TCERG1L: variants seen among roughly 807,000 people sequenced by gnomAD.
TCERG1L encodes the protein transcription elongation regulator 1-like protein.
TCERG1L carries 37 observed loss-of-function variants against 56.3 expected under a neutral mutation model. The ratio of observed to expected loss-of-function variants is 0.66; its 90% CI spans 0.51 to 0.87. The LOEUF (loss-of-function observed/expected upper bound fraction) is 0.87. Ranked by LOEUF, TCERG1L falls within the 40% of genes least tolerant of loss-of-function variation. The pLI is 0.00. For missense variants in TCERG1L, 799 were observed against 774.2 expected (o/e 1.03, Z -0.38); for synonymous variants, 324 against 326.3 (o/e 0.99, Z 0.08).
chr10:131,133,733 T>C (rs1277223035), intron 8 of TCERG1L, among the ~76,000 whole-genome samples: 1 of 152,098 alleles, frequency 6.6e-6, no homozygotes, highest in Non-Finnish European at 1.5e-5. Context: ...CAGGAGGGGT[T>C]AAAGGGCAGG....
At chr10:131,308,118 A>T in intron 3 of TCERG1L, 93 bp downstream of exon 3, 1 of 1,229,526 alleles carries the variant, frequency 8.1e-7, no homozygotes, top group Non-Finnish European at 1.1e-6. Context: ...TAATTGTTTC[A>T]TTAAAATGAT....
chr10:131,248,444 ATCTC>A (rs147556986), intron 4 of TCERG1L, among the ~76,000 whole-genome samples: 2 of 150,386 alleles, frequency 1.3e-5, no homozygotes, highest in East Asian at 1.9e-4. Context: ...CACCAGGCTG[ATCTC>A]TCTCTCTCTC....
chr10:131,258,979 A>G (rs1846204973), intron 4 of TCERG1L, among the ~76,000 whole-genome samples: 1 of 152,112 alleles, frequency 6.6e-6, no homozygotes, highest in Non-Finnish European at 1.5e-5. Context: ...TTTATGTTCC[A>G]CACCGAGATT....
chr10:131,268,419 G>A (rs1316534378), intron 3 of TCERG1L, among the ~76,000 whole-genome samples: 1 of 152,146 alleles, frequency 6.6e-6, no homozygotes, highest in Admixed American at 6.5e-5. Context: ...GTTCTTGAGG[G>A]CCTTAGGATT....
In TCERG1L at chr10:131,165,650, A is replaced by G. The variant is rs184363625; in HGVS notation, c.945+1147T>C. On this transcript the variant is annotated intron_variant, in intron 5 of 11. Transcript: ENST00000368642. ...TTCATTATGAAGTTCATTGAACAAT[A>G]GAAACTCAACAAGAAGTCTCTGAGT... 2.4e-4 allele frequency among the ~76,000 whole-genome samples: 37 copies of G among 152,336 alleles called. 1 individual carries two copies. Among genetic ancestry groups the G allele is most frequent in the African/African-American group, 8.7e-4 (36 of 41,588 alleles).
At chr10:131,268,549 T>C (rs1436747480) in intron 3 of TCERG1L, among the ~76,000 whole-genome samples, 1 of 152,170 alleles carries the variant, frequency 6.6e-6, no homozygotes. Flanking sequence ...CCTCTATAGC[T>C]ATAAAAGTCC....
At chr10:131,138,126 G>A (rs767709979) in intron 7 of TCERG1L, among the ~76,000 whole-genome samples, 11 of 152,116 alleles carry the variant, frequency 7.2e-5, no homozygotes, top group East Asian at 1.9e-4. Flanking sequence ...AAAATTAGCC[G>A]GGTGTGGTGG....
rs370375700 is a variant in TCERG1L at position 131,260,670 on chromosome 10, G to A, written c.671-226C>T. Among the ~76,000 whole-genome samples, 2 of 152,158 alleles carry A rather than the reference G, an allele frequency of 1.3e-5. No homozygotes were observed. Among genetic ancestry groups the A allele is most frequent in the Non-Finnish European group, 2.9e-5 (2 of 68,036 alleles). On this transcript the variant is annotated intron_variant, in intron 3 of 11. Coordinates refer to ENST00000368642, the MANE Select transcript of TCERG1L (RefSeq NM_174937.4). The surrounding 1 kb of genome is among the most constrained non-coding windows in gnomAD (Gnocchi z 5.8). Reference sequence around the variant, plus strand: ...ATGCAACCAGTGCACACACAGAGCCGTGTGATGCCCAGTGAGCTGCAAGGC... The same window carrying A: ...ATGCAACCAGTGCACACACAGAGCCATGTGATGCCCAGTGAGCTGCAAGGC...
At chr10:131,097,241 A>T (rs948317614) in intron 11 of TCERG1L, among the ~76,000 whole-genome samples, 4 of 150,940 alleles carry the variant, frequency 2.7e-5, no homozygotes, top group Non-Finnish European at 5.9e-5. Flanking sequence ...CAAAAAACTG[A>T]TGCTGCATCT....
At chr10:131,286,829 T>C (rs1056295232) in intron 3 of TCERG1L, among the ~76,000 whole-genome samples, 2 of 152,216 alleles carry the variant, frequency 1.3e-5, no homozygotes, top group Non-Finnish European at 2.9e-5. Flanking sequence ...CAAATGAGCT[T>C]GGTTGTTATC....
At chr10:131,254,427 T>C (rs1846147758) in intron 4 of TCERG1L, among the ~76,000 whole-genome samples, 1 of 152,094 alleles carries the variant, frequency 6.6e-6, no homozygotes, top group Non-Finnish European at 1.5e-5. Flanking sequence ...CAAGGGATCT[T>C]CCAGCCGCAG....
chr10:131,307,815 C>T (rs930263961), intron 3 of TCERG1L, among the ~76,000 whole-genome samples: 10 of 152,130 alleles, frequency 6.6e-5, no homozygotes, highest in African/African-American at 2.2e-4. Context: ...CATGTTCCTG[C>T]GTCCTACAGA....
intron 3 of TCERG1L, among the ~76,000 whole-genome samples, chr10:131,292,670 C>G (rs1846642828): frequency 6.6e-6 from 1 of 152,176 alleles, no homozygotes; most frequent in Non-Finnish European, 1.5e-5. Flanking sequence ...GCAGATGGAG[C>G]TTCTTGTGCA....
intron 4 of TCERG1L, among the ~76,000 whole-genome samples, chr10:131,168,218 C>A (rs970055061): frequency 6.6e-6 from 1 of 152,240 alleles, no homozygotes. Context: ...CTGGCCCCTT[C>A]AAGCTACACG....
At position 131,285,533 on chromosome 10, in the gene TCERG1L, AAAAG is replaced by A. The variant is rs761636967; in HGVS notation, c.670+22674_670+22677del. ...GAAAGAAAGAAAGAAAGAGAGAAAG[AAAAG>A]AAAAGAAAGAAAGGAAGGAAGAAAG... On this transcript the variant is annotated intron_variant, in intron 3 of 11. Transcript: ENST00000368642. 1.5e-3 allele frequency among the ~76,000 whole-genome samples: 73 copies of A among 50,270 alleles called. 5 individuals are homozygous for A. In the East Asian group the frequency reaches 0.035, roughly 24 times the overall value. The allele number at this position is 50,270 out of a possible 152,430, so 33.0% of individuals were successfully genotyped here. A position where few individuals can be genotyped will look rare whatever the true frequency, so the allele number is the denominator to read the frequency against.
rs1845196977 is a variant in TCERG1L, at chr10:131,093,055, C to T, written c.*107G>A. 5 of 1,206,858 alleles carry T rather than the reference C, an allele frequency of 4.1e-6. No homozygotes were observed. The highest frequency in any genetic ancestry group is 5.8e-6 in the Non-Finnish European group (5 of 862,416). 74.8% of individuals were successfully genotyped at this position (1,206,858 alleles called of 1,614,324 possible). On this transcript the variant is annotated 3_prime_UTR_variant, in exon 12 of 12. Coordinates refer to ENST00000368642, the MANE Select transcript of TCERG1L (RefSeq NM_174937.4). ...CCCCGCAGTGCCGGTGCCCGCTGGG[C>T]CGTGCAGGTCTCGGCCGCCCCACGC... is the stretch of plus-strand genomic sequence containing the variant.
intron 4 of TCERG1L, among the ~76,000 whole-genome samples, chr10:131,256,418 G>A (rs1048986933): frequency 1.3e-5 from 2 of 152,172 alleles, no homozygotes; most frequent in African/African-American, 4.8e-5. Context: ...AGTTCTGGAA[G>A]CAAAGAACAG....
At chr10:131,125,158 G>A (rs1271790346) in intron 8 of TCERG1L, among the ~76,000 whole-genome samples, 2 of 151,394 alleles carry the variant, frequency 1.3e-5, no homozygotes, top group Middle Eastern at 3.4e-3. Flanking sequence ...TGGTGGTGGT[G>A]GTGATGATGA....
At chr10:131,100,203 T>C (rs1471835569) in intron 10 of TCERG1L, among the ~76,000 whole-genome samples, 2 of 152,152 alleles carry the variant, frequency 1.3e-5, no homozygotes, top group Non-Finnish European at 2.9e-5. Context: ...CAAATAGCAA[T>C]GTAAGTTCTT....
Sources: gnomAD v4.1 joint callset for allele counts (sites outside exome capture counted in the v4.1 genomes callset) on GRCh38, gnomAD v4.1.1 for gene constraint, Gnocchi (gnomAD v3.1) non-coding constraint, MANE v1.5 for transcripts, NCBI Gene and HGNC (gene_info 2026-07-23, HGNC 2026-07-21) for gene names.